The following EPB41L5 variants were observed in gnomAD, a reference collection of about 807,000 sequenced individuals.
EPB41L5 encodes the protein erythrocyte membrane protein band 4.1 like 5, also known as band 4.1-like protein 5.
EPB41L5 carries 55 observed loss-of-function variants against 106.6 expected under a neutral mutation model. That is an observed-to-expected ratio of 0.52 (90% CI 0.42 to 0.65). EPB41L5 has a LOEUF of 0.65. Ranked by LOEUF, EPB41L5 falls within the 30% of genes least tolerant of loss-of-function variation. The pLI, the probability that EPB41L5 is intolerant of heterozygous loss-of-function variation, is 0.00. For synonymous variants in EPB41L5, 297 were observed against 306.7 expected (o/e 0.97, Z 0.33); for missense variants, 871 against 882.1 (o/e 0.99, Z 0.16).
chr2:120,061,041 T>TTTG (rs1681016531), intron 3 of EPB41L5, among the ~76,000 whole-genome samples: 3 of 112,912 alleles, frequency 2.7e-5, no homozygotes, highest in South Asian at 3.3e-4. Flanking sequence ...GTTTTTTTTT[T>TTTG]TTTTTTTTTT....
chr2:120,020,815 T>TAAAAA (rs57155762), intron 2 of EPB41L5, among the ~76,000 whole-genome samples: 8 of 20,184 alleles, frequency 4.0e-4, no homozygotes, highest in Admixed American at 1.7e-3. Flanking sequence ...GTAGAATTTG[T>TAAAAA]AAAAAAAAAA....
intron 3 of EPB41L5, among the ~76,000 whole-genome samples, chr2:120,048,813 T>C (rs918795743): frequency 6.6e-6 from 1 of 151,680 alleles, no homozygotes; most frequent in African/African-American, 2.4e-5. Flanking sequence ...TCCTCTACTT[T>C]ATAGCTCTGG....
At chr2:120,121,421 G>C (rs772805732) in intron 16 of EPB41L5, among the ~76,000 whole-genome samples, 5 of 151,990 alleles carry the variant, frequency 3.3e-5, no homozygotes, top group Non-Finnish European at 7.4e-5. Flanking sequence ...TCATTGTTCA[G>C]TTCCCACCTA....
chr2:120,165,339 C>T (rs1290565316), intron 22 of EPB41L5, among the ~76,000 whole-genome samples: 3 of 152,104 alleles, frequency 2.0e-5, no homozygotes, highest in African/African-American at 4.8e-5. Context: ...TTCCAGGACT[C>T]CCCTTGGATA....
intron 5 of EPB41L5, among the ~76,000 whole-genome samples, chr2:120,075,004 T>TTTTA (rs1359888069): frequency 6.6e-6 from 1 of 152,222 alleles, no homozygotes; most frequent in Non-Finnish European, 1.5e-5. Flanking sequence ...AATTTGCGTA[T>TTTTA]TTTAATAGAG....
chr2:120,105,599 A>G (rs1433628635), intron 16 of EPB41L5: 1 of 985,382 alleles, frequency 1.0e-6, no homozygotes, highest in Non-Finnish European at 1.2e-6. Flanking sequence ...TTTCAATCTG[A>G]GTTTAGTATA....
chr2:120,148,860 C>T (rs984002739), intron 20 of EPB41L5, among the ~76,000 whole-genome samples: 2 of 152,046 alleles, frequency 1.3e-5, no homozygotes, highest in African/African-American at 4.8e-5. Flanking sequence ...TTTCAGTTCT[C>T]CTTAGTATAT....
chr2:120,092,996 T>C (rs1417460710), intron 13 of EPB41L5, among the ~76,000 whole-genome samples: 1 of 152,196 alleles, frequency 6.6e-6, no homozygotes, highest in Non-Finnish European at 1.5e-5. Context: ...ATCCCAGCAC[T>C]TTGGGAGGCC....
At chr2:120,125,377 T>TA (rs1246774320) in intron 16 of EPB41L5, among the ~76,000 whole-genome samples, 1 of 152,200 alleles carries the variant, frequency 6.6e-6, no homozygotes, top group Non-Finnish European at 1.5e-5. Context: ...CCAGGCAACT[T>TA]ACTGAGTTTG....
rs1161338080 is a variant in EPB41L5, at chr2:120,105,347, G to T, written c.1337+4533G>T. The T allele has an allele frequency of 5.2e-6, 5 of 969,584 alleles. No homozygotes were observed. The African/African-American group carries it at 8.8e-5, about 17-fold the overall frequency. The allele number at this position is 969,584 out of a possible 1,614,324, so 60.1% of individuals were successfully genotyped here. ...ATTTATAGATATTTTATATTTCGAA[G>T]AGTTTATAATGCTTCAAGATAATGA... On this transcript the variant is annotated intron_variant, in intron 16 of 24. Transcript: ENST00000263713.
intron 23 of EPB41L5, 131 bp from the exon 24 acceptor site, chr2:120,167,746 A>T: frequency 1.6e-6 from 2 of 1,235,598 alleles, no homozygotes; most frequent in Non-Finnish European, 2.3e-6. Flanking sequence ...AGAAAAACAA[A>T]ACAAACAGTC....
intron 3 of EPB41L5, among the ~76,000 whole-genome samples, chr2:120,061,094 G>T: frequency 7.2e-6 from 1 of 139,310 alleles, no homozygotes; most frequent in East Asian, 2.1e-4. Context: ...AGGCTGGAGT[G>T]CAGTGGTGTG....
rs11333759 is a variant in EPB41L5 at position 120,161,375 on chromosome 2, CAA to C, written c.1887+417_1887+418del. Among the ~76,000 whole-genome samples, 1,118 of 129,820 alleles carry C rather than the reference CAA, an allele frequency of 8.6e-3. 1 individual carries two copies. Among genetic ancestry groups the C allele is most frequent in the Middle Eastern group, 0.016 (4 of 250 alleles). 85.2% of individuals were successfully genotyped at this position (129,820 alleles called of 152,430 possible). A position where few individuals can be genotyped will look rare whatever the true frequency, so the allele number is the denominator to read the frequency against. On this transcript the variant is annotated intron_variant, in intron 21 of 24. Transcript: ENST00000263713. ...CCTGAGTAATACAGTGAGACTGTCT[CAA>C]AAAAAAAAAAAAAAATGTGATAAAA...
chr2:120,104,995 T>G lies in EPB41L5; in HGVS notation c.1337+4181T>G, dbSNP rs956413539. 8 of 984,840 alleles carry G rather than the reference T, an allele frequency of 8.1e-6. No homozygotes were observed. The African/African-American group carries it at 8.7e-5, about 11-fold the overall frequency. 61.0% of individuals were successfully genotyped at this position (984,840 alleles called of 1,614,324 possible). A position where few individuals can be genotyped will look rare whatever the true frequency, so the allele number is the denominator to read the frequency against. On this transcript the variant is annotated intron_variant, in intron 16 of 24. Transcript: ENST00000263713. ...TAAAATGAAAAACATATTTACTTTG[T>G]CTTTTCATTTGACTGGCTTTTCTCT... is the stretch of plus-strand genomic sequence containing the variant.
At chr2:120,163,305 CTT>C (rs1687222566) in intron 21 of EPB41L5, among the ~76,000 whole-genome samples, 1 of 133,376 alleles carries the variant, frequency 7.5e-6, no homozygotes, top group African/African-American at 2.8e-5. Context: ...ATGAAGGGCT[CTT>C]TTTTGTTGTG....
At chr2:120,098,671 A>T (rs1683932595) in intron 14 of EPB41L5, among the ~76,000 whole-genome samples, 1 of 152,234 alleles carries the variant, frequency 6.6e-6, no homozygotes, top group South Asian at 2.1e-4. Context: ...TTGAACCCAG[A>T]CAGTGATAGT....
intron 2 of EPB41L5, among the ~76,000 whole-genome samples, chr2:120,021,208 C>T (rs1270275071): frequency 6.6e-6 from 1 of 152,042 alleles, no homozygotes; most frequent in Admixed American, 6.6e-5. Context: ...GGCGTGGTGG[C>T]ATGCGCCTGT....
At chr2:120,061,604 G>A (rs916957279) in intron 3 of EPB41L5, among the ~76,000 whole-genome samples, 7 of 151,906 alleles carry the variant, frequency 4.6e-5, no homozygotes, top group Non-Finnish European at 8.8e-5. Flanking sequence ...TGCCCTCCTC[G>A]GCCTCCCAAA....
chr2:120,161,620 T>C (rs537001544), intron 21 of EPB41L5, among the ~76,000 whole-genome samples: 13 of 152,206 alleles, frequency 8.5e-5, no homozygotes, highest in Non-Finnish European at 1.3e-4. Context: ...CTTTTTGAAT[T>C]AGTAGTTTCA....
Sources: gnomAD v4.1 joint callset for allele counts (sites outside exome capture counted in the v4.1 genomes callset) on GRCh38, gnomAD v4.1.1 for gene constraint, MANE v1.5 for transcripts, NCBI Gene and HGNC (gene_info 2026-07-23, HGNC 2026-07-21) for gene names.